NUP50: variants seen among roughly 807,000 people sequenced by gnomAD.
The protein encoded by NUP50 is nuclear pore complex protein Nup50.
NUP50 carries 14 observed loss-of-function variants against 36.8 expected under a neutral mutation model. The observed-to-expected ratio is 0.38, with a 90% CI of 0.25 to 0.59. The LOEUF (loss-of-function observed/expected upper bound fraction) is 0.59. Among genes scored for constraint, NUP50 ranks in the 20% least tolerant of loss-of-function variants. NUP50 has a pLI of 0.63. For missense variants in NUP50, 455 were observed against 564.6 expected, an observed-to-expected ratio of 0.81 and a Z score of 1.97; for synonymous variants, 195 against 210.8, an observed-to-expected ratio of 0.93 and a Z score of 0.65.
intron 5 of NUP50, chr22:45,180,116 T>C (rs1468396424): frequency 6.6e-6 from 1 of 152,140 alleles, no homozygotes; most frequent in Non-Finnish European, 1.5e-5. Context: ...ATAAAACAAA[T>C]GGGGAGTCTT....
chr22:45,184,774 T>C lies in NUP50; in HGVS notation c.*119T>C, dbSNP rs3178096. On this transcript the variant is annotated 3_prime_UTR_variant, in exon 8 of 8. Transcript: ENST00000347635. The stretch of plus-strand genomic sequence containing the variant: ...TAAGAACTTATAGATAACTTAAAAC[T>C]TTTGTGAGGAAGATTAATGTGGCCA... 3 of 723,608 alleles carry C rather than the reference T, an allele frequency of 4.1e-6. No homozygotes were observed. Among genetic ancestry groups the C allele is most frequent in the Non-Finnish European group, 7.0e-6 (3 of 427,346 alleles). The allele number at this position is 723,608 out of a possible 1,614,324, so 44.8% of individuals were successfully genotyped here. A position where few individuals can be genotyped will look rare whatever the true frequency, so the allele number is the denominator to read the frequency against.
chr22:45,179,060 A>C, intron 5 of NUP50, 160 bp downstream of exon 5: 1 of 624,406 alleles, frequency 1.6e-6, no homozygotes, highest in Middle Eastern at 2.6e-4. Context: ...TCTGAGTTTC[A>C]GATTCCTGCT....
Position 45,186,318 on chromosome 22 carries a change from G to T in NUP50, c.*1663G>T, listed in dbSNP as rs2074471047. The T allele has an allele frequency of 6.6e-6, 1 of 152,212 alleles. No homozygotes were observed. Among genetic ancestry groups the T allele is most frequent in the Non-Finnish European group, 1.5e-5 (1 of 68,044 alleles). The allele number at this position is 152,212 out of a possible 1,614,324, so 9.4% of individuals were successfully genotyped here. A position where few individuals can be genotyped will look rare whatever the true frequency, so the allele number is the denominator to read the frequency against. ...TTTACACTGACTTTTTAAGAATGGA[G>T]AATGCACGTGGGTTTCTGTTGCGGA... On this transcript the variant is annotated 3_prime_UTR_variant, in exon 8 of 8. Coordinates refer to ENST00000347635, the MANE Select transcript of NUP50 (RefSeq NM_007172.4).
chr22:45,176,706 G>A (rs965875121), intron 4 of NUP50, among the ~76,000 whole-genome samples: 1 of 152,166 alleles, frequency 6.6e-6, no homozygotes, highest in Admixed American at 6.5e-5. Context: ...AGAATGTTTA[G>A]TGTGATGTAA....
chr22:45,173,606 T>A (rs975520205), intron 3 of NUP50, among the ~76,000 whole-genome samples: 11 of 152,130 alleles, frequency 7.2e-5, no homozygotes, highest in Non-Finnish European at 1.3e-4. Context: ...CCGGCAGCTT[T>A]CGTCATGTGG....
chr22:45,182,223 C>G (rs1018404893), intron 6 of NUP50, among the ~76,000 whole-genome samples: 1 of 151,908 alleles, frequency 6.6e-6, no homozygotes, highest in Non-Finnish European at 1.5e-5. Flanking sequence ...GGCAGATCAC[C>G]TGAGGTCAGG....
chr22:45,175,727 A>T (rs562871273), intron 3 of NUP50, 167 bp from the exon 4 acceptor site: 2 of 575,782 alleles, frequency 3.5e-6, no homozygotes, highest in African/African-American at 3.7e-5. Flanking sequence ...TATGAATACA[A>T]TCTTCCCATC....
chr22:45,182,243 C>A (rs2074384586), intron 6 of NUP50, among the ~76,000 whole-genome samples: 1 of 151,916 alleles, frequency 6.6e-6, no homozygotes, highest in South Asian at 2.1e-4. Context: ...GAGTTCCAGA[C>A]AAACCTGGCC....
At chr22:45,182,623 GTTT>G (rs550478534) in intron 6 of NUP50, among the ~76,000 whole-genome samples, 6 of 95,936 alleles carry the variant, frequency 6.3e-5, no homozygotes, top group South Asian at 3.8e-4. Flanking sequence ...CTTGAGGTTT[GTTT>G]TTTTTTTTTT....
Position 45,178,642 on chromosome 22 carries a change from A to G in NUP50, c.745A>G (p.Lys249Glu), listed in dbSNP as rs2074315914. 3.7e-6 allele frequency: 6 copies of G among 1,612,046 alleles called. No homozygotes were observed. In the East Asian group the frequency reaches 1.3e-4, roughly 36 times the overall value. ...CAACAAAACTGAAGATACACCTGAC[A>G]AGAAGATGGAGGTGGCATCTGAAAA... ...HGNKTEDTPD[K>E]KMEVASEKKT... The change falls in exon 5 of 8, where the codon AAG becomes GAG. Residue 249 changes from lysine to glutamate, a missense_variant. Lys to Glu is a moderately conservative substitution (Grantham distance 56). This residue lies in a region of NUP50 where 287 missense variants were observed against 345.5 expected (regional missense o/e 0.83). Transcript: ENST00000347635.
Position 45,183,513 on chromosome 22 carries a change from CA to C in NUP50, c.1199del (p.Asn400IlefsTer2). 1 of 1,596,300 alleles carries C rather than the reference CA, an allele frequency of 6.3e-7. No individual in the cohort carries two copies. On this transcript the variant is annotated frameshift_variant, in exon 7 of 8. Coordinates refer to ENST00000347635, the MANE Select transcript of NUP50 (RefSeq NM_007172.4). LOFTEE classifies it high-confidence loss of function. ...CACAGCTTTTGGTGCGGGCAGACAC[CA>C]ATTTAGGTGGGTACCTTTTTTCAGT... Reference protein sequence around the residue: ...KTQLLVRADTNLGNILLNVLI... With the variant: ...KTQLLVRADTXLGNILLNVLI...
At chr22:45,170,062 C>T (rs779601963) in intron 2 of NUP50, among the ~76,000 whole-genome samples, 6 of 152,290 alleles carry the variant, frequency 3.9e-5, no homozygotes, top group South Asian at 2.1e-4. Context: ...TGCTGACGTA[C>T]GCCGCCTTCC....
In NUP50 at chr22:45,186,342, GATGATTC is replaced by G. The variant is rs1433522218; in HGVS notation, c.*1690_*1696del. ...AGAATGCACGTGGGTTTCTGTTGCG[GATGATTC>G]ATAGTAAGCAAGCGGTTGATGCTGT... On this transcript the variant is annotated 3_prime_UTR_variant, in exon 8 of 8. Coordinates refer to ENST00000347635, the MANE Select transcript of NUP50 (RefSeq NM_007172.4). The G allele has an allele frequency of 1.3e-5, 2 of 152,202 alleles. No individual in the cohort carries two copies. Among genetic ancestry groups the G allele is most frequent in the Non-Finnish European group, 2.9e-5 (2 of 68,032 alleles). 9.4% of individuals were successfully genotyped at this position (152,202 alleles called of 1,614,324 possible).
At chr22:45,175,384 C>T (rs1358108445) in intron 3 of NUP50, among the ~76,000 whole-genome samples, 1 of 152,220 alleles carries the variant, frequency 6.6e-6, no homozygotes, top group African/African-American at 2.4e-5. Flanking sequence ...AGATTTGAGA[C>T]TCGATCATCT....
Position 45,168,223 on chromosome 22 carries a change from G to C in NUP50, c.46G>C (p.Asp16His), listed in dbSNP as rs200329756. 1 of 1,611,478 alleles carries C rather than the reference G, an allele frequency of 6.2e-7. No individual in the cohort carries two copies. Among genetic ancestry groups the C allele is most frequent in the Admixed American group, 1.7e-5 (1 of 59,408 alleles). ...AEKELTDRNW[D>H]QEDEAEEVGT... ...GAAGGAACTGACAGATAGGAATTGG[G>C]ATCAAGAAGATGAAGCTGAAGAGGT... Residue 16 changes from aspartate (D) to histidine (H), a missense_variant, in exon 2 of 8, where the codon GAT (aspartate) becomes CAT (histidine). By Grantham distance (81) the Asp-to-His change is moderately conservative. Coordinates refer to ENST00000347635, the MANE Select transcript of NUP50 (RefSeq NM_007172.4).
At chr22:45,177,307 A>G (rs926618013) in intron 4 of NUP50, among the ~76,000 whole-genome samples, 3 of 152,120 alleles carry the variant, frequency 2.0e-5, no homozygotes, top group Non-Finnish European at 4.4e-5. Context: ...CAGCCTCCCC[A>G]GTAGCTGGGA....
At chr22:45,180,764 C>T (rs918104271) in intron 5 of NUP50, among the ~76,000 whole-genome samples, 1 of 151,994 alleles carries the variant, frequency 6.6e-6, no homozygotes, top group African/African-American at 2.4e-5. Context: ...GAGCAGTGAC[C>T]CATGTGGCAA....
intron 2 of NUP50, 144 bp downstream of exon 2, chr22:45,168,390 C>T (rs2074128661): frequency 1.6e-6 from 1 of 618,350 alleles, no homozygotes; most frequent in Non-Finnish European, 2.9e-6. Context: ...ATTATATGAC[C>T]TGTACTTAGT....
intron 6 of NUP50, among the ~76,000 whole-genome samples, chr22:45,182,954 C>CA (rs370285778): frequency 1.1e-3 from 151 of 141,314 alleles, no homozygotes; most frequent in Non-Finnish European, 1.5e-3. Flanking sequence ...AAATAGGCCA[C>CA]AAAAAAAAAA....
Sources: gnomAD v4.1 joint callset for allele counts (sites outside exome capture counted in the v4.1 genomes callset) on GRCh38, gnomAD v4.1.1 for gene constraint, gnomAD v4.1.1 regional missense constraint, MANE v1.5 for transcripts, NCBI Gene and HGNC (gene_info 2026-07-23, HGNC 2026-07-21) for gene names.